The following ABCA1 variants were observed in gnomAD, a reference collection of about 807,000 sequenced individuals.
ABCA1 encodes the protein phospholipid-transporting ATPase ABCA1.
In ABCA1, 133 loss-of-function variants were observed where a neutral mutation model predicts 262.5. The observed-to-expected ratio is 0.51, with a 90% CI of 0.44 to 0.59. ABCA1 has a LOEUF of 0.59. Ranked by LOEUF, ABCA1 falls within the 20% of genes least tolerant of loss-of-function variation. The pLI, the probability that ABCA1 is intolerant of heterozygous loss-of-function variation, is 0.00. For missense variants in ABCA1, 2,452 were observed against 2,777.5 expected (o/e 0.88, Z 2.63); for synonymous variants, 1,022 against 1,043.5 (o/e 0.98, Z 0.40).
intron 43 of ABCA1, 48 bp downstream of exon 43, chr9:104,791,888 T>G (rs527681760): frequency 1.5e-5 from 23 of 1,573,186 alleles, no homozygotes; most frequent in Non-Finnish European, 2.0e-5. Flanking sequence ...TGGGTAGAGA[T>G]AGTCTGAACT....
intron 7 of ABCA1, among the ~76,000 whole-genome samples, chr9:104,851,879 A>G (rs557570204): frequency 2.2e-4 from 33 of 152,382 alleles, no homozygotes; most frequent in African/African-American, 7.2e-4. Flanking sequence ...ATAATATTAC[A>G]ATGCATTAGG....
At chr9:104,835,077 A>T (rs1437285543) in intron 11 of ABCA1, among the ~76,000 whole-genome samples, 1 of 152,046 alleles carries the variant, frequency 6.6e-6, no homozygotes, top group Non-Finnish European at 1.5e-5. Flanking sequence ...GTGAAATCCC[A>T]TCTCCACTGA....
At chr9:104,919,926 T>C (rs1163119058) in intron 1 of ABCA1, among the ~76,000 whole-genome samples, 1 of 152,232 alleles carries the variant, frequency 6.6e-6, no homozygotes, top group East Asian at 1.9e-4. Flanking sequence ...AGGCATTCCC[T>C]GGTTATTTTT....
At chr9:104,840,610 T>G in intron 8 of ABCA1, 91 bp from the exon 9 acceptor site, 1 of 1,282,266 alleles carries the variant, frequency 7.8e-7, no homozygotes, top group Non-Finnish European at 1.1e-6. Context: ...AGAAACATCT[T>G]ATTTTCTTGA....
At chr9:104,842,991 G>T (rs945286538) in intron 8 of ABCA1, among the ~76,000 whole-genome samples, 2 of 152,096 alleles carry the variant, frequency 1.3e-5, no homozygotes, top group Non-Finnish European at 1.5e-5. Flanking sequence ...CAATGTCTTT[G>T]TATCTGCCAT....
chr9:104,813,331 T>C (rs555938900), intron 27 of ABCA1, among the ~76,000 whole-genome samples: 1 of 152,378 alleles, frequency 6.6e-6, no homozygotes, highest in East Asian at 1.9e-4. Flanking sequence ...TTTTACATCT[T>C]AACAATATTT....
chr9:104,854,124 G>A (rs1310835189), intron 7 of ABCA1, among the ~76,000 whole-genome samples: 6 of 152,242 alleles, frequency 3.9e-5, no homozygotes, highest in Non-Finnish European at 7.3e-5. Context: ...ACCCACTTGT[G>A]GGAGAGGAGT....
At chr9:104,926,470 CAAA>C in intron 1 of ABCA1, among the ~76,000 whole-genome samples, 1 of 118,776 alleles carries the variant, frequency 8.4e-6, no homozygotes, top group Admixed American at 8.7e-5. Flanking sequence ...ACCAAAAAAA[CAAA>C]AAAAAAAAAA....
intron 18 of ABCA1, among the ~76,000 whole-genome samples, chr9:104,823,435 G>A (rs1246059285): frequency 6.6e-6 from 1 of 152,218 alleles, no homozygotes; most frequent in African/African-American, 2.4e-5. Context: ...TACACATGCT[G>A]CTACCATTGG....
intron 22 of ABCA1, among the ~76,000 whole-genome samples, 164 bp from the exon 23 acceptor site, chr9:104,819,047 G>A (rs185578958): frequency 5.9e-5 from 9 of 152,288 alleles, no homozygotes; most frequent in Non-Finnish European, 1.0e-4. Context: ...GCAAAGCTTT[G>A]TATATATAGG....
rs1002498567 is a variant in ABCA1, at chr9:104,816,456, T to C, written c.3536-111A>G. ...AGGCCTGCCGCTCATACACCACACC[T>C]GTTCCAGGTGTTTAGGTCATTCCAC... On this transcript the variant is annotated intron_variant, in intron 24 of 49. Coordinates refer to ENST00000374736, the MANE Select transcript of ABCA1 (RefSeq NM_005502.4). 6 of 977,322 alleles carry C rather than the reference T, an allele frequency of 6.1e-6. No homozygotes were observed. In the African/African-American group the frequency reaches 6.4e-5, roughly 10 times the overall value. 60.5% of individuals were successfully genotyped at this position (977,322 alleles called of 1,614,324 possible).
chr9:104,857,357 C>T (rs1055466778), intron 7 of ABCA1, among the ~76,000 whole-genome samples: 3 of 152,064 alleles, frequency 2.0e-5, no homozygotes, highest in East Asian at 2.0e-4. Flanking sequence ...CTCAGCCTCC[C>T]GAGTAGCTGG....
intron 25 of ABCA1, among the ~76,000 whole-genome samples, chr9:104,815,523 C>G (rs1831666461): frequency 6.6e-6 from 1 of 152,300 alleles, no homozygotes. Flanking sequence ...ACCCCTGATT[C>G]TGAATCTCAT....
At position 104,802,862 on chromosome 9, in the gene ABCA1, C is replaced by T. The variant is rs145761760; in HGVS notation, c.4592+422G>A. ...ATTTCCTCTAAGACCTTTTTAGTCC[C>T]GTGCTAAATGCCTAGAAATTGTCCT... On this transcript the variant is annotated intron_variant, in intron 33 of 49. Coordinates refer to ENST00000374736, the MANE Select transcript of ABCA1 (RefSeq NM_005502.4). Among the ~76,000 whole-genome samples the T allele has an allele frequency of 1.7e-3, 266 of 152,272 alleles. 2 individuals carry two copies. The highest frequency in any genetic ancestry group is 6.2e-3 in the African/African-American group (259 of 41,566).
At chr9:104,884,325 A>G in intron 4 of ABCA1, 102 bp downstream of exon 4, 1 of 1,479,670 alleles carries the variant, frequency 6.8e-7, no homozygotes, top group South Asian at 1.2e-5. Flanking sequence ...TTACAAAAAC[A>G]ACTTCACTTA....
At chr9:104,907,545 C>T (rs139299838) in intron 1 of ABCA1, among the ~76,000 whole-genome samples, 64 of 152,288 alleles carry the variant, frequency 4.2e-4, no homozygotes, top group African/African-American at 1.4e-3. Flanking sequence ...TCAAGGGTGG[C>T]AGCACTCCTG....
At chr9:104,889,037 C>T (rs1322487359) in intron 3 of ABCA1, 65 bp downstream of exon 3, 5 of 1,397,908 alleles carry the variant, frequency 3.6e-6, no homozygotes, top group Middle Eastern at 1.8e-4. Context: ...CCAATTTAGC[C>T]CACGTTAATT....
chr9:104,848,778 G>A (rs1030975528), intron 7 of ABCA1, among the ~76,000 whole-genome samples: 19 of 152,058 alleles, frequency 1.2e-4, no homozygotes, highest in Middle Eastern at 3.2e-3. Flanking sequence ...TTGCGCCAAC[G>A]TGCTTGGTGG....
At chr9:104,840,201 G>A in intron 9 of ABCA1, 78 bp downstream of exon 9, 1 of 1,610,778 alleles carries the variant, frequency 6.2e-7, no homozygotes, top group Non-Finnish European at 8.5e-7. Context: ...TACAGAGGGA[G>A]GAGATGACAC....
Sources: gnomAD v4.1 joint callset for allele counts (sites outside exome capture counted in the v4.1 genomes callset) on GRCh38, gnomAD v4.1.1 for gene constraint, MANE v1.5 for transcripts, NCBI Gene and HGNC (gene_info 2026-07-23, HGNC 2026-07-21) for gene names.